FGF18: variants seen among roughly 807,000 people sequenced by gnomAD.
FGF18 encodes the protein fibroblast growth factor 18.
Under a neutral mutation model 23.0 loss-of-function variants are expected in FGF18, and 5 were observed. The ratio of observed to expected loss-of-function variants is 0.22; its 90% CI spans 0.11 to 0.46. The LOEUF (loss-of-function observed/expected upper bound fraction) is 0.46. Ranked by LOEUF, FGF18 falls within the 20% of genes least tolerant of loss-of-function variation. The pLI is 0.99. For synonymous variants in FGF18, 117 were observed against 118.9 expected (o/e 0.98, Z 0.10); for missense variants, 180 against 291.6 (o/e 0.62, Z 2.79).
intron 4 of FGF18, 24 bp downstream of exon 4, chr5:171,449,277 G>T: frequency 6.4e-7 from 1 of 1,562,432 alleles, no homozygotes; most frequent in South Asian, 1.1e-5. Context: ...TGGGATTCCC[G>T]GGAACTTCGG....
In FGF18 at chr5:171,443,500, CATTTTTTTT is replaced by C. The variant is rs1293820315; in HGVS notation, c.251-5646_251-5638del. Among the ~76,000 whole-genome samples, 27 of 70,468 alleles carry C rather than the reference CATTTTTTTT, an allele frequency of 3.8e-4. 1 individual carries two copies. Among genetic ancestry groups the C allele is most frequent in the East Asian group, 1.7e-3 (3 of 1,774 alleles). The allele number at this position is 70,468 out of a possible 152,430, so 46.2% of individuals were successfully genotyped here. ...TCAGATAAGTATTCACTGTTATCATCATTTTTTTTTTTTTTTTTTTTTTTTTTTTTTTAG... is the reference window on the plus strand; with the variant it reads ...TCAGATAAGTATTCACTGTTATCATCTTTTTTTTTTTTTTTTTTTTTTTAG... On this transcript the variant is annotated intron_variant, in intron 3 of 4. Transcript: ENST00000274625.
At chr5:171,445,254 G>A (rs1772401613) in intron 3 of FGF18, among the ~76,000 whole-genome samples, 1 of 152,176 alleles carries the variant, frequency 6.6e-6, no homozygotes. Context: ...GGTCCAGGCT[G>A]TGTGCCCTTT....
intron 4 of FGF18, among the ~76,000 whole-genome samples, chr5:171,452,581 C>T (rs573404332): frequency 1.6e-4 from 24 of 152,236 alleles, no homozygotes; most frequent in African/African-American, 5.5e-4. Context: ...CAGGAGGTGG[C>T]GCTTCCTTTC....
chr5:171,423,657 C>A (rs552325729), intron 2 of FGF18, among the ~76,000 whole-genome samples: 29 of 152,292 alleles, frequency 1.9e-4, no homozygotes, highest in African/African-American at 6.0e-4. Flanking sequence ...ACCACCCCCA[C>A]ACCCAGCCTC....
At chr5:171,437,523 A>G (rs908441384) in intron 3 of FGF18, among the ~76,000 whole-genome samples, 1 of 151,724 alleles carries the variant, frequency 6.6e-6, no homozygotes, top group Non-Finnish European at 1.5e-5. Context: ...TTCCTTTCGC[A>G]GCTTTTCCCC....
chr5:171,454,232 C>T (rs889034755), intron 4 of FGF18, among the ~76,000 whole-genome samples: 12 of 152,140 alleles, frequency 7.9e-5, no homozygotes, highest in Admixed American at 2.6e-4. Context: ...AGTTTTTGAG[C>T]TGAGCCTGGA....
At chr5:171,455,753 T>G (rs574275300) in intron 4 of FGF18, among the ~76,000 whole-genome samples, 3 of 152,274 alleles carry the variant, frequency 2.0e-5, no homozygotes, top group African/African-American at 7.2e-5. Context: ...GAACACTGAT[T>G]GGATGGCTTG....
At chr5:171,427,072 T>G (rs1030749870) in intron 2 of FGF18, among the ~76,000 whole-genome samples, 1 of 152,040 alleles carries the variant, frequency 6.6e-6, no homozygotes, top group African/African-American at 2.4e-5. Context: ...TAGCCGGGCA[T>G]AGTGGGTGCC....
At chr5:171,437,123 G>C (rs1217013325) in intron 3 of FGF18, among the ~76,000 whole-genome samples, 1 of 152,198 alleles carries the variant, frequency 6.6e-6, no homozygotes, top group African/African-American at 2.4e-5. Flanking sequence ...CAGGTTCTAG[G>C]AGATGGCCCA....
intron 2 of FGF18, among the ~76,000 whole-genome samples, chr5:171,428,550 C>G (rs1232115468): frequency 1.3e-5 from 2 of 152,130 alleles, no homozygotes; most frequent in Non-Finnish European, 2.9e-5. Flanking sequence ...TGTGTCTATG[C>G]GCATATATGG....
chr5:171,449,930 TG>T lies in FGF18; in HGVS notation c.357+680del, dbSNP rs1772473860. Among the ~76,000 whole-genome samples the T allele has an allele frequency of 2.6e-5, 4 of 152,110 alleles. No individual in the cohort carries two copies. The South Asian group carries it at 8.3e-4, about 32-fold the overall frequency. ...CTTCTCAGCACCCCTGTTCGTTTCC[TG>T]GGTGCGCTTGTTTGCAAAAGTCATG... is the stretch of plus-strand genomic sequence containing the variant. On this transcript the variant is annotated intron_variant, in intron 4 of 4. Transcript: ENST00000274625.
At chr5:171,425,069 G>A (rs1772070612) in intron 2 of FGF18, among the ~76,000 whole-genome samples, 1 of 152,248 alleles carries the variant, frequency 6.6e-6, no homozygotes, top group African/African-American at 2.4e-5. Context: ...GGAGACTAGA[G>A]GGGTAATGGG....
chr5:171,435,587 C>A (rs749814366), intron 2 of FGF18, among the ~76,000 whole-genome samples: 1 of 152,104 alleles, frequency 6.6e-6, no homozygotes. Flanking sequence ...GAAGTCACAG[C>A]GGACTTGGCC....
intron 4 of FGF18, among the ~76,000 whole-genome samples, chr5:171,453,192 G>C (rs1454919379): frequency 6.6e-6 from 1 of 152,202 alleles, no homozygotes; most frequent in African/African-American, 2.4e-5. Flanking sequence ...GGTGAGCAGG[G>C]TCATAGAGGT....
intron 3 of FGF18, among the ~76,000 whole-genome samples, chr5:171,446,518 C>T (rs1772421628): frequency 6.6e-6 from 1 of 152,176 alleles, no homozygotes; most frequent in African/African-American, 2.4e-5. Flanking sequence ...GGCTTCAGTG[C>T]ACTGTAAGGG....
intron 2 of FGF18, among the ~76,000 whole-genome samples, chr5:171,423,335 A>C (rs1421644885): frequency 6.6e-6 from 1 of 152,208 alleles, no homozygotes; most frequent in African/African-American, 2.4e-5. Flanking sequence ...TGGGGAGCAA[A>C]CGGCGTGACC....
At position 171,451,140 on chromosome 5, in the gene FGF18, C is replaced by G. The variant is rs1045357055; in HGVS notation, c.357+1887C>G. Among the ~76,000 whole-genome samples the G allele has an allele frequency of 4.6e-5, 7 of 151,922 alleles. No individual in the cohort carries two copies. The highest frequency in any genetic ancestry group is 2.1e-4 in the South Asian group (1 of 4,820). On this transcript the variant is annotated intron_variant, in intron 4 of 4. Coordinates refer to ENST00000274625, the MANE Select transcript of FGF18 (RefSeq NM_003862.3). This position sits in a 1 kb window ranked among gnomAD's most constrained non-coding sequence, Gnocchi z 4.5. Reference sequence around the variant, plus strand: ...AGGAGCCGGCTCCGATTTCCTGCCCCCTCGCCCTCTCTCCCGTCATTAATA... The same window carrying G: ...AGGAGCCGGCTCCGATTTCCTGCCCGCTCGCCCTCTCTCCCGTCATTAATA...
Position 171,449,194 on chromosome 5 carries a change from A to G in FGF18, c.298A>G (p.Lys100Glu). 6.2e-7 allele frequency: 1 copy of G among 1,614,106 alleles called. No homozygotes were observed. The highest frequency in any genetic ancestry group is 8.5e-7 in the Non-Finnish European group (1 of 1,180,002). The change falls in exon 4 of 5, where the codon AAG (lysine) becomes GAG (glutamate). Residue 100 changes from lysine to glutamate, a missense_variant. Physicochemically the swap from Lys to Glu is moderately conservative, Grantham distance 56 (BLOSUM62 1). Around this residue, in one of 3 missense-constraint regions of FGF18, gnomAD observed 83 missense variants for 190.4 expected, o/e 0.44. Transcript: ENST00000274625. ...TDTFGSQVRI[K>E]GKETEFYLCM... ...CACCTTCGGTAGTCAAGTCCGGATCAAGGGCAAGGAGACGGAATTCTACCT... is the reference window on the plus strand; with the variant it reads ...CACCTTCGGTAGTCAAGTCCGGATCGAGGGCAAGGAGACGGAATTCTACCT...
intron 4 of FGF18, among the ~76,000 whole-genome samples, chr5:171,454,935 G>T: frequency 6.6e-6 from 1 of 152,252 alleles, no homozygotes; most frequent in Non-Finnish European, 1.5e-5. Context: ...CCCCTGTCCA[G>T]ATCAGATCCA....
Sources: gnomAD v4.1 joint callset for allele counts (sites outside exome capture counted in the v4.1 genomes callset) on GRCh38, gnomAD v4.1.1 for gene constraint, gnomAD v4.1.1 regional missense constraint, Gnocchi (gnomAD v3.1) non-coding constraint, MANE v1.5 for transcripts, NCBI Gene and HGNC (gene_info 2026-07-23, HGNC 2026-07-21) for gene names.